Variants in SNTG1 observed in about 807,000 individuals in gnomAD.
The protein encoded by SNTG1 is gamma-1-syntrophin.
In SNTG1, 39 loss-of-function variants were observed where a neutral mutation model predicts 74.7. The observed-to-expected ratio is 0.52, with a 90% CI of 0.40 to 0.68. The LOEUF (loss-of-function observed/expected upper bound fraction) is 0.68. Among genes scored for constraint, SNTG1 ranks in the 30% least tolerant of loss-of-function variants. The pLI is 0.00. For synonymous variants in SNTG1, 254 were observed against 217.1 expected, an observed-to-expected ratio of 1.17 and a Z score of -1.49; for missense variants, 685 against 609.5, an observed-to-expected ratio of 1.12 and a Z score of -1.30.
intron 1 of SNTG1, among the ~76,000 whole-genome samples, chr8:50,067,476 G>C (rs1820990076): frequency 1.3e-5 from 2 of 152,048 alleles, no homozygotes; most frequent in Non-Finnish European, 2.9e-5. Context: ...ATTTTGAATG[G>C]GCTTGTTTAC....
chr8:49,961,881 C>T (rs1420583872), intron 1 of SNTG1, among the ~76,000 whole-genome samples: 1 of 152,198 alleles, frequency 6.6e-6, no homozygotes, highest in South Asian at 2.1e-4. Flanking sequence ...ACTATCAAGT[C>T]ACCTCTTGAG....
At chr8:50,400,645 C>T (rs997332344) in intron 3 of SNTG1, among the ~76,000 whole-genome samples, 2 of 152,206 alleles carry the variant, frequency 1.3e-5, no homozygotes, top group Non-Finnish European at 2.9e-5. Flanking sequence ...CTTTTCTCCA[C>T]ATCTTCACCA....
chr8:50,776,692 T>A (rs1187641412), intron 18 of SNTG1, among the ~76,000 whole-genome samples: 1 of 151,718 alleles, frequency 6.6e-6, no homozygotes, highest in African/African-American at 2.4e-5. Flanking sequence ...ATATTCTTTC[T>A]TTCTTCCTAA....
chr8:50,010,002 C>A (rs961919024), intron 1 of SNTG1, among the ~76,000 whole-genome samples: 5 of 152,088 alleles, frequency 3.3e-5, no homozygotes. Context: ...TCTAAAAAAA[C>A]CCAATTATTT....
chr8:50,074,716 C>A (rs144432561), intron 1 of SNTG1, among the ~76,000 whole-genome samples: 108 of 152,338 alleles, frequency 7.1e-4, no homozygotes, highest in African/African-American at 2.3e-3. Flanking sequence ...GCAGCCCTTG[C>A]TCACTCTCAG....
chr8:50,416,759 T>G (rs981525599), intron 4 of SNTG1, among the ~76,000 whole-genome samples: 1 of 152,136 alleles, frequency 6.6e-6, no homozygotes, highest in African/African-American at 2.4e-5. Flanking sequence ...AAATGAAGAC[T>G]TTGACATCCA....
chr8:50,245,183 A>C (rs543880066), intron 2 of SNTG1, among the ~76,000 whole-genome samples: 8 of 152,286 alleles, frequency 5.3e-5, no homozygotes, highest in Non-Finnish European at 7.4e-5. Flanking sequence ...AAGTTAACAG[A>C]CTAAATGAAG....
intron 18 of SNTG1, among the ~76,000 whole-genome samples, chr8:50,773,592 C>A (rs1450462829): frequency 6.6e-6 from 1 of 151,972 alleles, no homozygotes; most frequent in African/African-American, 2.4e-5. Context: ...ATCAGTGAAA[C>A]AGATAGGAAA....
chr8:49,923,910 G>A (rs894842972), intron 1 of SNTG1, among the ~76,000 whole-genome samples: 48 of 152,276 alleles, frequency 3.2e-4, no homozygotes, highest in African/African-American at 1.1e-3. Context: ...ATGTTATAAA[G>A]TGAATTAGCA....
intron 17 of SNTG1, among the ~76,000 whole-genome samples, chr8:50,710,725 T>C (rs1373614340): frequency 1.3e-5 from 2 of 152,186 alleles, no homozygotes; most frequent in East Asian, 3.9e-4. Context: ...TATCTGACAT[T>C]CCTGTCTACT....
chr8:50,679,246 C>T (rs889097270), intron 15 of SNTG1, among the ~76,000 whole-genome samples: 3 of 151,934 alleles, frequency 2.0e-5, no homozygotes, highest in African/African-American at 7.2e-5. Context: ...CTAAGTATTA[C>T]TTAGTTGTTG....
chr8:50,733,010 G>A (rs1050032511), intron 17 of SNTG1, among the ~76,000 whole-genome samples: 1 of 151,874 alleles, frequency 6.6e-6, no homozygotes, highest in African/African-American at 2.4e-5. Context: ...ATGATGCTGA[G>A]ATTCAAGGTA....
intron 1 of SNTG1, among the ~76,000 whole-genome samples, chr8:50,158,412 C>T (rs770486064): frequency 2.0e-5 from 3 of 152,098 alleles, no homozygotes; most frequent in African/African-American, 7.2e-5. Context: ...TCAGAGAGCA[C>T]TGGGCAGAGT....
intron 15 of SNTG1, among the ~76,000 whole-genome samples, chr8:50,665,267 C>T (rs962472607): frequency 5.9e-5 from 9 of 151,646 alleles, no homozygotes; most frequent in Non-Finnish European, 1.2e-4. Context: ...ATATGTTATG[C>T]GGAAGGTGAA....
At chr8:50,469,083 AT>A (rs767476305) in intron 8 of SNTG1, among the ~76,000 whole-genome samples, 19 of 152,146 alleles carry the variant, frequency 1.2e-4, no homozygotes, top group Non-Finnish European at 2.5e-4. Flanking sequence ...TTTCATTGGC[AT>A]TCTCCTTTGC....
At chr8:50,009,736 G>C (rs556543833) in intron 1 of SNTG1, among the ~76,000 whole-genome samples, 3 of 152,130 alleles carry the variant, frequency 2.0e-5, no homozygotes, top group Non-Finnish European at 4.4e-5. Flanking sequence ...GGTGGCTCAC[G>C]CCTATAATCC....
At chr8:50,651,120 G>A (rs554856840) in intron 13 of SNTG1, among the ~76,000 whole-genome samples, 4 of 152,192 alleles carry the variant, frequency 2.6e-5, no homozygotes, top group African/African-American at 9.6e-5. Flanking sequence ...TGCTTGCCAT[G>A]AGTATTTACA....
At chr8:50,507,261 T>C (rs1333305641) in intron 9 of SNTG1, among the ~76,000 whole-genome samples, 3 of 152,164 alleles carry the variant, frequency 2.0e-5, no homozygotes, top group Admixed American at 6.6e-5. Flanking sequence ...TTTGCATTAA[T>C]ATTCATCAGG....
intron 1 of SNTG1, among the ~76,000 whole-genome samples, chr8:49,917,920 AT>A (rs1298679897): frequency 6.6e-6 from 1 of 152,074 alleles, no homozygotes; most frequent in Admixed American, 6.6e-5. Flanking sequence ...AGAACTGAAA[AT>A]AGAGAATTTT....
Sources: allele counts gnomAD v4.1 joint callset (sites outside exome capture counted in the v4.1 genomes callset), GRCh38; gene constraint gnomAD v4.1.1; transcripts MANE v1.5; gene names NCBI Gene and HGNC (gene_info 2026-07-23, HGNC 2026-07-21).